SUPT5H: variants seen among roughly 807,000 people sequenced by gnomAD.
The protein encoded by SUPT5H is SPT5 homolog, DSIF elongation factor subunit.
Under a neutral mutation model 142.5 loss-of-function variants are expected in SUPT5H, and 24 were observed. The observed-to-expected ratio is 0.17, with a 90% CI of 0.12 to 0.24. SUPT5H has a LOEUF of 0.24. Among genes scored for constraint, SUPT5H ranks in the 10% least tolerant of loss-of-function variants. The pLI, the probability that SUPT5H is intolerant of heterozygous loss-of-function variation, is 1.00. For missense variants in SUPT5H, 893 were observed against 1,471.8 expected (o/e 0.61, Z 6.43); for synonymous variants, 546 against 553.0 (o/e 0.99, Z 0.18).
At chr19:39,456,912 G>A (rs565633757) in intron 3 of SUPT5H, among the ~76,000 whole-genome samples, 42 of 152,300 alleles carry the variant, frequency 2.8e-4, no homozygotes, top group African/African-American at 9.9e-4. Flanking sequence ...AACTAGTCAC[G>A]GAGTTGCCTT....
At chr19:39,456,937 G>A (rs951526874) in intron 3 of SUPT5H, among the ~76,000 whole-genome samples, 3 of 152,200 alleles carry the variant, frequency 2.0e-5, no homozygotes, top group African/African-American at 7.2e-5. Context: ...AGAGGTTACT[G>A]AGATTCTAGG....
At chr19:39,452,496 G>A (rs2079033428) in intron 2 of SUPT5H, among the ~76,000 whole-genome samples, 2 of 152,114 alleles carry the variant, frequency 1.3e-5, no homozygotes, top group African/African-American at 4.8e-5. Flanking sequence ...AGCATGATAC[G>A]GCAGAAGCCA....
chr19:39,464,734 C>T, intron 10 of SUPT5H, 64 bp from the exon 11 acceptor site: 1 of 1,533,964 alleles, frequency 6.5e-7, no homozygotes, highest in Non-Finnish European at 8.8e-7. Context: ...TGATGAGTGG[C>T]AGTCATTTCT....
In SUPT5H at chr19:39,474,795, C is replaced by A; in HGVS notation, c.3024+77C>A. The stretch of plus-strand genomic sequence containing the variant: ...CCTAAACTGGAGACAGACCTGTCCC[C>A]AGATGGTGACAGCCCAGAGTGGGCA... On this transcript the variant is annotated intron_variant, in intron 28 of 29. Coordinates refer to ENST00000432763, the MANE Select transcript of SUPT5H (RefSeq NM_001111020.3). The surrounding 1 kb of genome is among the most constrained non-coding windows in gnomAD (Gnocchi z 6.5). The A allele has an allele frequency of 6.8e-7, 1 of 1,464,142 alleles. No homozygotes were observed. Among genetic ancestry groups the A allele is most frequent in the Non-Finnish European group, 9.3e-7 (1 of 1,076,812 alleles). 90.7% of individuals were successfully genotyped at this position (1,464,142 alleles called of 1,614,324 possible).
intron 3 of SUPT5H, among the ~76,000 whole-genome samples, chr19:39,455,227 T>G (rs371556281): frequency 8.6e-5 from 13 of 152,046 alleles, no homozygotes; most frequent in Non-Finnish European, 1.6e-4. Context: ...GAGTTAGTAG[T>G]AGTTTTGAGA....
At chr19:39,446,378 G>T (rs893623611) in intron 2 of SUPT5H, among the ~76,000 whole-genome samples, 1 of 152,066 alleles carries the variant, frequency 6.6e-6, no homozygotes, top group Non-Finnish European at 1.5e-5. Flanking sequence ...ATATAGCCAA[G>T]GAATAAACTA....
rs1286546039 is a variant in SUPT5H, at chr19:39,458,632, T to C, written c.320-186T>C. ...AACTTGCTGGGCCCCATCCCCAGTCTTTTTGACAAGAAGCAGGATGCTGAG... is the reference window on the plus strand; with the variant it reads ...AACTTGCTGGGCCCCATCCCCAGTCCTTTTGACAAGAAGCAGGATGCTGAG... On this transcript the variant is annotated intron_variant, in intron 5 of 29. Transcript: ENST00000432763. The surrounding 1 kb of genome is among the most constrained non-coding windows in gnomAD (Gnocchi z 4.2). 7 of 724,766 alleles carry C rather than the reference T, an allele frequency of 9.7e-6. No homozygotes were observed. In the East Asian group the frequency reaches 1.9e-4, roughly 20 times the overall value. The allele number at this position is 724,766 out of a possible 1,614,324, so 44.9% of individuals were successfully genotyped here.
chr19:39,472,971 G>A lies in SUPT5H; in HGVS notation c.2156-41G>A. On this transcript the variant is annotated intron_variant, in intron 22 of 29. Coordinates refer to ENST00000432763, the MANE Select transcript of SUPT5H (RefSeq NM_001111020.3). The surrounding 1 kb of genome is among the most constrained non-coding windows in gnomAD (Gnocchi z 4.2). ...GTGGAGGCCTGGGGAGGGGCATGGTGAAGGAGAGCCTGCCCAGCCTGACCT... is the reference window on the plus strand; with the variant it reads ...GTGGAGGCCTGGGGAGGGGCATGGTAAAGGAGAGCCTGCCCAGCCTGACCT... 1 of 1,612,184 alleles carries A rather than the reference G, an allele frequency of 6.2e-7. No individual in the cohort carries two copies. Among genetic ancestry groups the A allele is most frequent in the Non-Finnish European group, 8.5e-7 (1 of 1,178,668 alleles).
chr19:39,474,226 C>T lies in SUPT5H; in HGVS notation c.2652-8C>T, dbSNP rs78330410. 1.1e-3 allele frequency: 1,741 copies of T among 1,614,030 alleles called. 19 individuals are homozygous for T. The African/African-American group carries it at 0.021, about 20-fold the overall frequency. On this transcript the variant is annotated splice_polypyrimidine_tract_variant and splice_region_variant and intron_variant, in intron 26 of 29. Coordinates refer to ENST00000432763, the MANE Select transcript of SUPT5H (RefSeq NM_001111020.3). The surrounding 1 kb of genome is among the most constrained non-coding windows in gnomAD (Gnocchi z 6.5). Reference sequence around the variant, plus strand: ...CAACAAATGCCCCCTTCTCTCCTGTCTCTGCAGGTACAACACAGACCAGTT... The same window carrying T: ...CAACAAATGCCCCCTTCTCTCCTGTTTCTGCAGGTACAACACAGACCAGTT...
Position 39,458,267 on chromosome 19 carries a change from A to ACCACCACCT in SUPT5H, c.308-24_308-16dup, listed in dbSNP as rs770688823. ...CACCACCACCACCACCACCACCACC[A>ACCACCACCT]CCACCACCTCCTCTTCCTCCAAGTA... On this transcript the variant is annotated intron_variant, in intron 4 of 29. Coordinates refer to ENST00000432763, the MANE Select transcript of SUPT5H (RefSeq NM_001111020.3). This position sits in a 1 kb window ranked among gnomAD's most constrained non-coding sequence, Gnocchi z 4.2. 7 of 790,422 alleles carry ACCACCACCT rather than the reference A, an allele frequency of 8.9e-6. No homozygotes were observed. In the Admixed American group the frequency reaches 1.3e-4, roughly 15 times the overall value. The allele number at this position is 790,422 out of a possible 1,614,324, so 49.0% of individuals were successfully genotyped here. A position where few individuals can be genotyped will look rare whatever the true frequency, so the allele number is the denominator to read the frequency against.
chr19:39,446,063 T>G (rs1019752807), intron 2 of SUPT5H, 98 bp downstream of exon 2: 27 of 1,310,902 alleles, frequency 2.1e-5, no homozygotes, highest in Non-Finnish European at 2.5e-5. Context: ...CAGCGGGCTC[T>G]GGCTTCTGGG....
chr19:39,455,823 A>G (rs1408677898), intron 3 of SUPT5H, among the ~76,000 whole-genome samples: 5 of 149,726 alleles, frequency 3.3e-5, no homozygotes, highest in Admixed American at 2.7e-4. Flanking sequence ...GGGTTTCACC[A>G]TGTTGGCCAG....
Position 39,469,489 on chromosome 19 carries a change from C to T in SUPT5H, c.1374+91C>T. ...CGAGGCGGTGGTGTGCCTGGTGACA[C>T]CTGGTTTCCAGGAGGGTAAGTTGAG... On this transcript the variant is annotated intron_variant, in intron 16 of 29. Coordinates refer to ENST00000432763, the MANE Select transcript of SUPT5H (RefSeq NM_001111020.3). This position sits in a 1 kb window ranked among gnomAD's most constrained non-coding sequence, Gnocchi z 5.1. 6.4e-7 allele frequency: 1 copy of T among 1,571,672 alleles called. No individual in the cohort carries two copies. The highest frequency in any genetic ancestry group is 8.7e-7 in the Non-Finnish European group (1 of 1,152,148).
intron 11 of SUPT5H, among the ~76,000 whole-genome samples, chr19:39,465,426 G>A (rs1361469855): frequency 3.3e-5 from 5 of 152,322 alleles, no homozygotes; most frequent in South Asian, 4.1e-4. Flanking sequence ...GTTTACTGGC[G>A]TAGGATGGGA....
chr19:39,475,599 A>G (rs2079394121), intron 28 of SUPT5H, among the ~76,000 whole-genome samples: 1 of 150,098 alleles, frequency 6.7e-6, no homozygotes, highest in East Asian at 2.0e-4. Context: ...CCCCAGGGGG[A>G]GGTTGGGCTG....
rs1303969327 is a variant in SUPT5H, at chr19:39,474,250, T to C, written c.2668T>C (p.Phe890Leu). 1 of 1,613,960 alleles carries C rather than the reference T, an allele frequency of 6.2e-7. No individual in the cohort carries two copies. Among genetic ancestry groups the C allele is most frequent in the Admixed American group, 1.7e-5 (1 of 60,008 alleles). ...TCTCTGCAGGTACAACACAGACCAG[T>C]TCTCTCCCTATGCTGCCCCCTCCCC... ...GTPAMYNTDQ[F>L]SPYAAPSPQG... Residue 890 changes from phenylalanine to leucine, a missense_variant, in exon 27 of 30, where the codon TTC (phenylalanine) becomes CTC (leucine). Around this residue, in one of 6 missense-constraint regions of SUPT5H, gnomAD observed 336 missense variants for 546.5 expected, o/e 0.61. Transcript: ENST00000432763. The surrounding 1 kb of genome is among the most constrained non-coding windows in gnomAD (Gnocchi z 6.5).
chr19:39,475,814 C>CG, intron 28 of SUPT5H: 1 of 476,606 alleles, frequency 2.1e-6, no homozygotes, highest in South Asian at 2.6e-5. Context: ...GACGCTGAGG[C>CG]CAGTTTGGGA....
At position 39,445,812 on chromosome 19, in the gene SUPT5H, C is replaced by T. The variant is rs921293597; in HGVS notation, c.-79C>T. On this transcript the variant is annotated 5_prime_UTR_variant, in exon 2 of 30. Transcript: ENST00000432763. Reference sequence around the variant, plus strand: ...GGGTTTTCTTCTCCCAGGGAACCAGCGGGGAAACTGAGGCTCGGGGTGGAG... The same window carrying T: ...GGGTTTTCTTCTCCCAGGGAACCAGTGGGGAAACTGAGGCTCGGGGTGGAG... 1 of 1,541,740 alleles carries T rather than the reference C, an allele frequency of 6.5e-7. No homozygotes were observed. The highest frequency in any genetic ancestry group is 8.8e-7 in the Non-Finnish European group (1 of 1,130,080).
At chr19:39,453,166 G>A (rs2079041933) in intron 2 of SUPT5H, among the ~76,000 whole-genome samples, 190 bp from the exon 3 acceptor site, 3 of 152,174 alleles carry the variant, frequency 2.0e-5, no homozygotes, top group Admixed American at 6.6e-5. Context: ...TGGCTGGGGA[G>A]ATGGCAGTGC....
Sources: gnomAD v4.1 joint callset for allele counts (sites outside exome capture counted in the v4.1 genomes callset) on GRCh38, gnomAD v4.1.1 for gene constraint, gnomAD v4.1.1 regional missense constraint, Gnocchi (gnomAD v3.1) non-coding constraint, MANE v1.5 for transcripts, NCBI Gene and HGNC (gene_info 2026-07-23, HGNC 2026-07-21) for gene names.